The following ZFHX3 variants were observed in gnomAD, a reference collection of about 807,000 sequenced individuals.
ZFHX3 encodes zinc finger homeobox protein 3.
A neutral mutation model predicts 279.1 loss-of-function variants in ZFHX3; 42 were observed. The ratio of observed to expected loss-of-function variants is 0.15; its 90% confidence interval spans 0.12 to 0.19. The LOEUF is 0.19. Ranked by LOEUF, ZFHX3 falls within the 10% of genes least tolerant of loss-of-function variation. The pLI, the probability that ZFHX3 is intolerant of heterozygous loss-of-function variation, is 1.00. For synonymous variants in ZFHX3, 2,293 were observed against 1,957.8 expected (o/e 1.17, Z -4.52); for missense variants, 4,981 against 4,754.0 (o/e 1.05, Z -1.40).
At chr16:73,560,318 C>CA (rs2020350962) in intron 2 of ZFHX3, among the ~76,000 whole-genome samples, 1 of 152,116 alleles carries the variant, frequency 6.6e-6, no homozygotes, top group South Asian at 2.1e-4. Context: ...GTGGAGGAAG[C>CA]AAAAAAGGAC....
chr16:73,763,675 T>C (rs1294234257), intron 1 of ZFHX3, among the ~76,000 whole-genome samples: 1 of 152,126 alleles, frequency 6.6e-6, no homozygotes, highest in Non-Finnish European at 1.5e-5. Context: ...TTGCTTCTTA[T>C]TAACAGAATA....
At chr16:73,435,533 T>C (rs1294644340) in intron 3 of ZFHX3, among the ~76,000 whole-genome samples, 1 of 152,138 alleles carries the variant, frequency 6.6e-6, no homozygotes, top group African/African-American at 2.4e-5. Context: ...GTGGTGGGGC[T>C]GTTCTGTACT....
chr16:73,349,175 C>T (rs1215591628), intron 3 of ZFHX3, among the ~76,000 whole-genome samples: 1 of 151,986 alleles, frequency 6.6e-6, no homozygotes, highest in Non-Finnish European at 1.5e-5. Context: ...TGTTCTGCCA[C>T]AGCAAAGGTA....
chr16:73,431,590 G>T (rs1010542865), intron 3 of ZFHX3, among the ~76,000 whole-genome samples: 1 of 152,084 alleles, frequency 6.6e-6, no homozygotes, highest in African/African-American at 2.4e-5. Context: ...TTCCATAAAT[G>T]TTCCATTATT....
intron 1 of ZFHX3, among the ~76,000 whole-genome samples, chr16:73,689,827 TTG>T (rs2053129825): frequency 6.9e-6 from 1 of 145,316 alleles, no homozygotes; most frequent in Non-Finnish European, 1.5e-5. Flanking sequence ...GTTTTTTTTG[TTG>T]TTGTTGTTTT....
chr16:72,869,224 A>G (rs957111214), intron 4 of ZFHX3, among the ~76,000 whole-genome samples: 6 of 152,204 alleles, frequency 3.9e-5, no homozygotes, highest in African/African-American at 1.2e-4. Flanking sequence ...TAGAAACACG[A>G]AACAGCAAGC....
chr16:73,468,236 C>T (rs938044975), intron 2 of ZFHX3, among the ~76,000 whole-genome samples: 3 of 152,156 alleles, frequency 2.0e-5, no homozygotes, highest in African/African-American at 7.2e-5. Flanking sequence ...TAAGGACAGT[C>T]CTCAGCCTCC....
intron 1 of ZFHX3, among the ~76,000 whole-genome samples, chr16:72,994,649 G>A (rs538913880): frequency 3.9e-5 from 6 of 152,370 alleles, no homozygotes; most frequent in African/African-American, 1.4e-4. Context: ...CATCTGCAGG[G>A]AGCCAATGAC....
intron 3 of ZFHX3, among the ~76,000 whole-genome samples, chr16:73,349,969 G>A (rs1170293131): frequency 2.1e-5 from 3 of 146,270 alleles, no homozygotes; most frequent in African/African-American, 7.7e-5. Context: ...GAGAACTCAG[G>A]CCTGATACCC....
intron 6 of ZFHX3, among the ~76,000 whole-genome samples, chr16:73,138,376 T>C (rs2144829565): frequency 6.6e-6 from 1 of 152,120 alleles, no homozygotes; most frequent in South Asian, 2.1e-4. Context: ...CAAGAGGAGA[T>C]GGAATCTACC....
At chr16:73,642,351 G>C (rs1245399127) in intron 2 of ZFHX3, among the ~76,000 whole-genome samples, 4 of 152,070 alleles carry the variant, frequency 2.6e-5, no homozygotes, top group African/African-American at 9.7e-5. Flanking sequence ...CCTGACTTCA[G>C]AGGACCGCCT....
intron 1 of ZFHX3, among the ~76,000 whole-genome samples, chr16:73,696,019 A>G (rs145369910): frequency 2.2e-3 from 340 of 152,302 alleles, no homozygotes; most frequent in African/African-American, 7.9e-3. Flanking sequence ...CACAAAAGAG[A>G]GTAAGAGGGA....
intron 3 of ZFHX3, among the ~76,000 whole-genome samples, chr16:73,420,415 C>T (rs1207551398): frequency 1.3e-5 from 2 of 152,166 alleles, no homozygotes; most frequent in Non-Finnish European, 1.5e-5. Context: ...CATCTGGCAA[C>T]GTCTTGAGAC....
chr16:73,325,167 G>A (rs1385928647), intron 3 of ZFHX3, among the ~76,000 whole-genome samples: 3 of 152,168 alleles, frequency 2.0e-5, no homozygotes, highest in Non-Finnish European at 4.4e-5. Flanking sequence ...CAATATGGTA[G>A]CTCAGTCCAG....
chr16:73,511,594 A>G (rs966567855), intron 2 of ZFHX3, among the ~76,000 whole-genome samples: 6 of 152,200 alleles, frequency 3.9e-5, no homozygotes, highest in Non-Finnish European at 2.9e-5. Context: ...AAAAAATGAT[A>G]AACTCAGATT....
intron 1 of ZFHX3, among the ~76,000 whole-genome samples, chr16:72,996,815 G>C (rs1330795127): frequency 6.6e-6 from 1 of 152,200 alleles, no homozygotes; most frequent in East Asian, 1.9e-4. Flanking sequence ...GGACTGGTCT[G>C]ACCAGTACTC....
Position 72,959,994 on chromosome 16 carries a change from T to C in ZFHX3, c.152A>G (p.Asp51Gly). 1 of 1,613,702 alleles carries C rather than the reference T, an allele frequency of 6.2e-7. No individual in the cohort carries two copies. The highest frequency in any genetic ancestry group is 8.5e-7 in the Non-Finnish European group (1 of 1,179,754). ...QSTGESHGPLDSLRAPFNERL... is the reference protein window; with the variant it reads ...QSTGESHGPLGSLRAPFNERL... ...CTCATTGAAGGGGGCCCTCAGGCTG[T>C]CCAAGGGCCCGTGGCTCTCGCCTGT... The change falls in exon 2 of 10, where the codon GAC becomes GGC. Residue 51 changes from aspartate to glycine, a missense_variant. Around this residue, in one of 7 missense-constraint regions of ZFHX3, gnomAD observed 1,068 missense variants for 935.2 expected, o/e 1.14. Coordinates refer to ENST00000268489, the MANE Select transcript of ZFHX3 (RefSeq NM_006885.4).
intron 4 of ZFHX3, among the ~76,000 whole-genome samples, chr16:72,838,267 T>G (rs191384460): frequency 1.3e-5 from 2 of 152,210 alleles, no homozygotes; most frequent in Non-Finnish European, 1.5e-5. Flanking sequence ...TTTTGTATAT[T>G]TGAAGATCTT....
intron 3 of ZFHX3, among the ~76,000 whole-genome samples, chr16:73,335,529 T>C (rs1205574176): frequency 1.3e-5 from 2 of 152,216 alleles, no homozygotes; most frequent in Non-Finnish European, 2.9e-5. Flanking sequence ...GTTAAAGCCA[T>C]CAAAACAAAC....
Sources: allele counts gnomAD v4.1 joint callset (sites outside exome capture counted in the v4.1 genomes callset), GRCh38; gene constraint gnomAD v4.1.1; regional missense constraint gnomAD v4.1.1; transcripts MANE v1.5; gene names NCBI Gene and HGNC (gene_info 2026-07-23, HGNC 2026-07-21).